The following CAMTA1 variants were observed in gnomAD, a reference collection of about 807,000 sequenced individuals.
CAMTA1 encodes calmodulin binding transcription activator 1, also known as calmodulin-binding transcription activator 1.
In CAMTA1, 27 loss-of-function variants were observed where a neutral mutation model predicts 170.9. That is an observed-to-expected ratio of 0.16 (90% CI 0.12 to 0.22). The LOEUF (loss-of-function observed/expected upper bound fraction) is 0.22. CAMTA1 is among the 10% of genes least tolerant of loss of function. The pLI, the probability that CAMTA1 is intolerant of heterozygous loss-of-function variation, is 1.00. For synonymous variants in CAMTA1, 833 were observed against 891.5 expected, an observed-to-expected ratio of 0.93 and a Z score of 1.17; for missense variants, 1,619 against 2,217.2, an observed-to-expected ratio of 0.73 and a Z score of 5.42.
chr1:7,405,159 C>T lies in CAMTA1; in HGVS notation c.439-62671C>T, dbSNP rs80294217. On this transcript the variant is annotated intron_variant, in intron 5 of 22. Transcript: ENST00000303635. ...TCACTTCCTGCAGGCAAGTAGGATG[C>T]GTCCTCCATGGAGTCTCTGCATTTT... Among the ~76,000 whole-genome samples the T allele has an allele frequency of 7.2e-3, 1,088 of 151,974 alleles. 8 individuals carry two copies. The highest frequency in any genetic ancestry group is 0.026 in the East Asian group (135 of 5,140).
chr1:6,974,468 T>A (rs1004330957), intron 3 of CAMTA1, among the ~76,000 whole-genome samples: 12 of 152,112 alleles, frequency 7.9e-5, no homozygotes, highest in African/African-American at 2.9e-4. Context: ...GACAAGCAAT[T>A]TTTCTTAAAC....
In CAMTA1 at chr1:7,656,002, G is replaced by A. The variant is rs1281433859; in HGVS notation, c.665-5724G>A. 2.0e-5 allele frequency among the ~76,000 whole-genome samples: 3 copies of A among 152,292 alleles called. No homozygotes were observed. In the East Asian group the frequency reaches 5.8e-4, roughly 29 times the overall value. On this transcript the variant is annotated intron_variant, in intron 7 of 22. Coordinates refer to ENST00000303635, the MANE Select transcript of CAMTA1 (RefSeq NM_015215.4). ...GGAGGGATTAAACTGCTTTACTTAG[G>A]GTTTCTGGGAATGGATTCTTTTTCT...
rs956365109 is a variant in CAMTA1, at chr1:7,041,677, T to C, written c.235-49627T>C. ...CCTTTTAATGATCCTTGTACAATCC[T>C]TGGCAGAAAGGTTTGCTGACGTCTC... On this transcript the variant is annotated intron_variant, in intron 3 of 22. Transcript: ENST00000303635. The surrounding 1 kb of genome is among the most constrained non-coding windows in gnomAD (Gnocchi z 5.1). Among the ~76,000 whole-genome samples the C allele has an allele frequency of 1.3e-4, 20 of 152,368 alleles. No individual in the cohort carries two copies. The highest frequency in any genetic ancestry group is 1.2e-3 in the East Asian group (6 of 5,192).
At chr1:7,574,070 T>G (rs979095949) in intron 6 of CAMTA1, among the ~76,000 whole-genome samples, 2 of 120,350 alleles carry the variant, frequency 1.7e-5, no homozygotes, top group African/African-American at 1.6e-4. Context: ...GACCTCATCT[T>G]AACAAATTAC....
chr1:7,766,276 G>T (rs544247788), intron 22 of CAMTA1, among the ~76,000 whole-genome samples, 183 bp from the exon 23 acceptor site: 2 of 152,136 alleles, frequency 1.3e-5, no homozygotes, highest in South Asian at 2.1e-4. Flanking sequence ...CTTAAGTAGG[G>T]TCACGTCTTT....
chr1:6,896,031 C>T (rs765112779), intron 3 of CAMTA1, among the ~76,000 whole-genome samples: 1 of 152,136 alleles, frequency 6.6e-6, no homozygotes, highest in African/African-American at 2.4e-5. Context: ...AGTGCAGGAG[C>T]GGAACCCTGC....
At chr1:7,337,206 T>G (rs1252012906) in intron 5 of CAMTA1, among the ~76,000 whole-genome samples, 5 of 152,162 alleles carry the variant, frequency 3.3e-5, no homozygotes, top group African/African-American at 4.8e-5. Context: ...CCTATCACCT[T>G]GTGAGGGGGA....
intron 5 of CAMTA1, among the ~76,000 whole-genome samples, chr1:7,424,191 C>T (rs2091748001): frequency 6.6e-6 from 1 of 152,128 alleles, no homozygotes; most frequent in Admixed American, 6.5e-5. Flanking sequence ...CAGGTGCAGC[C>T]ATTGCATACA....
intron 5 of CAMTA1, among the ~76,000 whole-genome samples, chr1:7,400,137 C>T (rs1199954335): frequency 1.3e-5 from 2 of 152,206 alleles, no homozygotes; most frequent in African/African-American, 4.8e-5. Context: ...TTGTGTCCCA[C>T]AAGTCCTATA....
intron 3 of CAMTA1, among the ~76,000 whole-genome samples, chr1:6,968,002 A>G (rs1691856770): frequency 6.6e-6 from 1 of 152,204 alleles, no homozygotes; most frequent in Non-Finnish European, 1.5e-5. Context: ...AAATATGCAA[A>G]CTAGTAATAA....
chr1:7,568,739 A>G (rs1044415582), intron 6 of CAMTA1, among the ~76,000 whole-genome samples: 2 of 149,534 alleles, frequency 1.3e-5, no homozygotes, highest in African/African-American at 5.0e-5. Context: ...CAACATCACC[A>G]TCCTCATCAC....
chr1:7,301,369 ATTG>A (rs1236285864), intron 5 of CAMTA1, among the ~76,000 whole-genome samples: 1 of 152,200 alleles, frequency 6.6e-6, no homozygotes, highest in Non-Finnish European at 1.5e-5. Context: ...ATCTGCTCTA[ATTG>A]TTGTACCAAG....
intron 3 of CAMTA1, among the ~76,000 whole-genome samples, chr1:6,853,761 T>C (rs983218798): frequency 1.2e-4 from 19 of 152,166 alleles, no homozygotes; most frequent in Non-Finnish European, 2.1e-4. Flanking sequence ...AGAAAACTGG[T>C]GTACCTTTAT....
chr1:7,764,370 A>G (rs773959668), intron 22 of CAMTA1, among the ~76,000 whole-genome samples: 23 of 152,222 alleles, frequency 1.5e-4, no homozygotes, highest in Non-Finnish European at 3.1e-4. Context: ...AGGGCTTGGT[A>G]TATGTAGTAA....
chr1:7,528,931 G>A (rs1399936702), intron 6 of CAMTA1, among the ~76,000 whole-genome samples: 2 of 152,284 alleles, frequency 1.3e-5, no homozygotes, highest in African/African-American at 4.8e-5. Flanking sequence ...GTTCCCCTGT[G>A]TAGGGTAGAA....
In CAMTA1 at chr1:6,968,804, A is replaced by C. The variant is rs1692028900; in HGVS notation, c.235-122500A>C. 2.0e-5 allele frequency among the ~76,000 whole-genome samples: 3 copies of C among 152,224 alleles called. No homozygotes were observed. In the South Asian group the frequency reaches 6.3e-4, roughly 32 times the overall value. On this transcript the variant is annotated intron_variant, in intron 3 of 22. Transcript: ENST00000303635. ...TTGGGGGAGGCGGGTTACAGGGAAG[A>C]ACATCCTGGTCAGAGGGAACAGAAT...
intron 5 of CAMTA1, among the ~76,000 whole-genome samples, chr1:7,281,688 A>G (rs561346541): frequency 5.1e-4 from 78 of 152,266 alleles, no homozygotes; most frequent in African/African-American, 1.9e-3. Context: ...TGTCCATTCA[A>G]TTTACCAGCT....
intron 6 of CAMTA1, among the ~76,000 whole-genome samples, chr1:7,544,205 T>C (rs1236185076): frequency 3.3e-5 from 5 of 152,242 alleles, no homozygotes; most frequent in East Asian, 1.9e-4. Context: ...TACATGGCGG[T>C]GGCAAGAGAA....
chr1:7,296,907 G>A (rs550714652), intron 5 of CAMTA1, among the ~76,000 whole-genome samples: 6 of 152,106 alleles, frequency 3.9e-5, no homozygotes, highest in Non-Finnish European at 8.8e-5. Context: ...GGGAGAGCCA[G>A]CAAAGGAAAT....
Sources: allele counts gnomAD v4.1 joint callset (sites outside exome capture counted in the v4.1 genomes callset), GRCh38; gene constraint gnomAD v4.1.1; non-coding constraint Gnocchi (gnomAD v3.1); transcripts MANE v1.5; gene names NCBI Gene and HGNC (gene_info 2026-07-23, HGNC 2026-07-21).